The following NTNG1 variants were observed in gnomAD, a reference collection of about 807,000 sequenced individuals.
NTNG1 encodes the protein netrin-G1.
In NTNG1, 16 loss-of-function variants were observed where a neutral mutation model predicts 54.0. The observed-to-expected ratio is 0.30, with a 90% CI of 0.20 to 0.45. NTNG1 has a LOEUF of 0.45. Ranked by LOEUF, NTNG1 falls within the 20% of genes least tolerant of loss-of-function variation. The pLI, the probability that NTNG1 is intolerant of heterozygous loss-of-function variation, is 1.00. For missense variants in NTNG1, 530 were observed against 678.7 expected (o/e 0.78, Z 2.43); for synonymous variants, 255 against 263.1 (o/e 0.97, Z 0.30).
chr1:107,307,135 G>A (rs185074252), intron 2 of NTNG1, among the ~76,000 whole-genome samples: 64 of 152,322 alleles, frequency 4.2e-4, no homozygotes, highest in African/African-American at 1.4e-3. Flanking sequence ...CCATTTGGGG[G>A]ATGTTTTTAT....
chr1:107,153,613 T>A (rs930623334), intron 2 of NTNG1, among the ~76,000 whole-genome samples: 2 of 152,244 alleles, frequency 1.3e-5, no homozygotes, highest in Non-Finnish European at 2.9e-5. Flanking sequence ...TGAATTAAGT[T>A]CCAAGGAAGT....
chr1:107,247,523 G>A lies in NTNG1; in HGVS notation c.247-76759G>A, dbSNP rs150207566. Among the ~76,000 whole-genome samples the A allele has an allele frequency of 4.0e-3, 602 of 152,212 alleles. 2 individuals are homozygous for A. Among genetic ancestry groups the A allele is most frequent in the Non-Finnish European group, 4.7e-3 (319 of 68,022 alleles). On this transcript the variant is annotated intron_variant, in intron 2 of 7. Coordinates refer to ENST00000370068, the MANE Select transcript of NTNG1 (RefSeq NM_001113226.3). ...TTTCAGTGTGTGTTAGTGAATTCTT[G>A]ACAGACCTATGCTCGAAAACATGGA...
intron 7 of NTNG1, among the ~76,000 whole-genome samples, chr1:107,452,834 A>C (rs1259515527): frequency 6.6e-6 from 1 of 152,054 alleles, no homozygotes; most frequent in Non-Finnish European, 1.5e-5. Flanking sequence ...TTTATAAATC[A>C]CCCAGTCTCA....
chr1:107,349,301 C>T (rs1669452513), intron 3 of NTNG1, among the ~76,000 whole-genome samples: 1 of 152,116 alleles, frequency 6.6e-6, no homozygotes, highest in Non-Finnish European at 1.5e-5. Flanking sequence ...TTGTTCGTAG[C>T]ACTGAGCTCT....
chr1:107,181,010 G>A (rs942210591), intron 2 of NTNG1, among the ~76,000 whole-genome samples: 1 of 152,096 alleles, frequency 6.6e-6, no homozygotes. Flanking sequence ...GAAACCAATG[G>A]CCAAGGACTG....
chr1:107,280,184 T>G (rs1022501865), intron 2 of NTNG1, among the ~76,000 whole-genome samples: 6 of 145,750 alleles, frequency 4.1e-5, no homozygotes, highest in African/African-American at 1.5e-4. Flanking sequence ...CCCTCACTGT[T>G]TTGGTTATTC....
chr1:107,383,309 G>A (rs990037343), intron 3 of NTNG1, among the ~76,000 whole-genome samples: 2 of 152,186 alleles, frequency 1.3e-5, no homozygotes, highest in Non-Finnish European at 1.5e-5. Context: ...AAACCCAAGA[G>A]AGCATTAGGT....
At chr1:107,146,184 C>T (rs1214281190) in intron 1 of NTNG1, among the ~76,000 whole-genome samples, 1 of 151,962 alleles carries the variant, frequency 6.6e-6, no homozygotes, top group East Asian at 1.9e-4. Context: ...ACAGTCAATT[C>T]CGGGTCTTCA....
intron 7 of NTNG1, among the ~76,000 whole-genome samples, chr1:107,443,834 A>G (rs971838376): frequency 6.6e-5 from 10 of 152,080 alleles, no homozygotes; most frequent in Non-Finnish European, 1.0e-4. Flanking sequence ...ATTAGTTTCC[A>G]ATAGCACCTT....
intron 3 of NTNG1, among the ~76,000 whole-genome samples, chr1:107,356,474 A>G (rs538498847): frequency 6.6e-6 from 1 of 152,074 alleles, no homozygotes; most frequent in African/African-American, 2.4e-5. Context: ...TTGTATTCTT[A>G]GTAGAGACAG....
At chr1:107,438,935 T>C (rs1675781771) in intron 7 of NTNG1, among the ~76,000 whole-genome samples, 1 of 152,138 alleles carries the variant, frequency 6.6e-6, no homozygotes, top group South Asian at 2.1e-4. Context: ...ATCACTGAGA[T>C]GATGAGAGGA....
intron 3 of NTNG1, among the ~76,000 whole-genome samples, chr1:107,364,037 T>C (rs967685992): frequency 6.6e-6 from 1 of 152,186 alleles, no homozygotes; most frequent in Admixed American, 6.5e-5. Flanking sequence ...CTTGACTGAC[T>C]AAGAAGAATG....
chr1:107,365,118 C>G (rs1447632524), intron 3 of NTNG1, among the ~76,000 whole-genome samples: 1 of 152,036 alleles, frequency 6.6e-6, no homozygotes, highest in African/African-American at 2.4e-5. Context: ...CATATGGGGC[C>G]TTGTATCCAA....
intron 2 of NTNG1, among the ~76,000 whole-genome samples, chr1:107,232,718 C>A (rs1661157060): frequency 6.6e-6 from 1 of 152,134 alleles, no homozygotes; most frequent in Non-Finnish European, 1.5e-5. Flanking sequence ...TTGTAATCAC[C>A]ATTGATTGCC....
intron 2 of NTNG1, among the ~76,000 whole-genome samples, chr1:107,289,470 G>A (rs1665440374): frequency 2.0e-5 from 3 of 152,028 alleles, no homozygotes; most frequent in Admixed American, 2.0e-4. Context: ...TACTTGCCTT[G>A]CCTCCTAGCT....
chr1:107,164,737 A>G (rs1388971984), intron 2 of NTNG1, among the ~76,000 whole-genome samples: 1 of 152,210 alleles, frequency 6.6e-6, no homozygotes, highest in African/African-American at 2.4e-5. Flanking sequence ...TTGGTTTTGC[A>G]TCTACATTTT....
intron 2 of NTNG1, among the ~76,000 whole-genome samples, chr1:107,308,549 C>T (rs1305420019): frequency 6.6e-6 from 1 of 152,182 alleles, no homozygotes; most frequent in Non-Finnish European, 1.5e-5. Flanking sequence ...GTTTTGGTTA[C>T]TGTAGCCCTG....
chr1:107,394,250 GC>G (rs1672544457), intron 3 of NTNG1, among the ~76,000 whole-genome samples: 1 of 152,122 alleles, frequency 6.6e-6, no homozygotes, highest in Non-Finnish European at 1.5e-5. Flanking sequence ...TTTATATCCT[GC>G]TGCCTCAACA....
rs536761282 is a variant in NTNG1, at chr1:107,415,307, G to T, written c.1087+7599G>T. 2.6e-5 allele frequency among the ~76,000 whole-genome samples: 4 copies of T among 152,216 alleles called. No homozygotes were observed. The East Asian group carries it at 7.7e-4, about 29-fold the overall frequency. The stretch of plus-strand genomic sequence containing the variant: ...AAGGTCCATAGTCAAGGCATGTAGG[G>T]ATAATTTCCTCATCACACAAGGAAT... On this transcript the variant is annotated intron_variant, in intron 5 of 7. Coordinates refer to ENST00000370068, the MANE Select transcript of NTNG1 (RefSeq NM_001113226.3).
Sources: gnomAD v4.1 joint callset for allele counts (sites outside exome capture counted in the v4.1 genomes callset) on GRCh38, gnomAD v4.1.1 for gene constraint, MANE v1.5 for transcripts, NCBI Gene and HGNC (gene_info 2026-07-23, HGNC 2026-07-21) for gene names.